SLC25A26: variants seen among roughly 807,000 people sequenced by gnomAD.
SLC25A26 encodes solute carrier family 25 member 26, also known as mitochondrial S-adenosylmethionine carrier protein.
Under a neutral mutation model 37.8 loss-of-function variants are expected in SLC25A26, and 36 were observed. The ratio of observed to expected loss-of-function variants is 0.95; its 90% CI spans 0.73 to 1.26. The LOEUF (loss-of-function observed/expected upper bound fraction) is 1.26, where lower values mean the gene tolerates loss of function less well. Among genes scored for constraint, SLC25A26 ranks in the 50% most tolerant of loss-of-function variants. The pLI, the probability that SLC25A26 is intolerant of heterozygous loss-of-function variation, is 0.00. For missense variants in SLC25A26, 390 were observed against 331.1 expected (o/e 1.18, Z -1.38); for synonymous variants, 129 against 122.5 (o/e 1.05, Z -0.35).
At chr3:66,195,350 T>C (rs2071027835) in intron 1 of SLC25A26, among the ~76,000 whole-genome samples, 1 of 152,234 alleles carries the variant, frequency 6.6e-6, no homozygotes, top group Non-Finnish European at 1.5e-5. Flanking sequence ...CAGGTGCAGC[T>C]GCTGCCAAAT....
At chr3:66,257,132 G>A (rs1034572748) in intron 3 of SLC25A26, among the ~76,000 whole-genome samples, 2 of 152,110 alleles carry the variant, frequency 1.3e-5, no homozygotes, top group South Asian at 2.1e-4. Context: ...AGTAAAAAAC[G>A]TCAGATAAGA....
At chr3:66,258,840 TTTTC>T (rs1169876885) in intron 3 of SLC25A26, among the ~76,000 whole-genome samples, 21 of 130,886 alleles carry the variant, frequency 1.6e-4, no homozygotes, top group South Asian at 5.5e-4. Flanking sequence ...TTCTCTTTCC[TTTTC>T]TTTTTTTTTT....
intron 1 of SLC25A26, among the ~76,000 whole-genome samples, chr3:66,208,395 T>C (rs2071208573): frequency 6.6e-6 from 1 of 151,892 alleles, no homozygotes; most frequent in Admixed American, 6.6e-5. Context: ...CCAATGTCAG[T>C]GAACTCGGGA....
rs996383722 is a variant in SLC25A26 at position 66,364,093 on chromosome 3, T to G, written c.568+1164T>G. On this transcript the variant is annotated intron_variant, in intron 7 of 9. Coordinates refer to ENST00000354883, the MANE Select transcript of SLC25A26 (RefSeq NM_001379210.1). Reference sequence around the variant, plus strand: ...ATTATGGAAATTAAGTCATCCTGGATAAGTAAGGCTACTTTTTAAAGTTAG... The same window carrying G: ...ATTATGGAAATTAAGTCATCCTGGAGAAGTAAGGCTACTTTTTAAAGTTAG... Among the ~76,000 whole-genome samples, 9 of 152,298 alleles carry G rather than the reference T, an allele frequency of 5.9e-5. 1 individual carries two copies. The highest frequency in any genetic ancestry group is 1.3e-4 in the Admixed American group (2 of 15,306).
At chr3:66,247,506 T>A (rs897584877) in intron 3 of SLC25A26, among the ~76,000 whole-genome samples, 2 of 152,182 alleles carry the variant, frequency 1.3e-5, no homozygotes, top group Non-Finnish European at 2.9e-5. Context: ...AGATGGGGTC[T>A]TACTATGTTG....
intron 1 of SLC25A26, among the ~76,000 whole-genome samples, chr3:66,158,013 C>T (rs975528871): frequency 2.6e-5 from 4 of 152,140 alleles, no homozygotes; most frequent in Non-Finnish European, 2.9e-5. Flanking sequence ...AGGGAGAATG[C>T]GTTGTGTTAT....
At chr3:66,163,644 C>G (rs528359931) in intron 1 of SLC25A26, among the ~76,000 whole-genome samples, 18 of 152,168 alleles carry the variant, frequency 1.2e-4, no homozygotes, top group Non-Finnish European at 2.6e-4. Context: ...GCCTGGCCAG[C>G]CTGAGACAGA....
intron 1 of SLC25A26, among the ~76,000 whole-genome samples, chr3:66,212,217 T>C (rs2071293141): frequency 2.0e-5 from 3 of 152,010 alleles, no homozygotes; most frequent in Admixed American, 6.6e-5. Context: ...GCTCAAGTGA[T>C]CCTCCCACCT....
intron 1 of SLC25A26, among the ~76,000 whole-genome samples, chr3:66,137,428 A>G (rs1403945769): frequency 6.6e-6 from 1 of 151,972 alleles, no homozygotes; most frequent in Non-Finnish European, 1.5e-5. Flanking sequence ...GGGTTTCACC[A>G]TGTTGGCCAA....
At chr3:66,336,742 G>A (rs2076100183) in intron 5 of SLC25A26, among the ~76,000 whole-genome samples, 1 of 152,134 alleles carries the variant, frequency 6.6e-6, no homozygotes, top group African/African-American at 2.4e-5. Context: ...CATCCTGATT[G>A]CCGAGTGACA....
chr3:66,267,383 G>C (rs2073794864), intron 5 of SLC25A26, among the ~76,000 whole-genome samples: 1 of 152,198 alleles, frequency 6.6e-6, no homozygotes, highest in Non-Finnish European at 1.5e-5. Flanking sequence ...AGCCAAGGGA[G>C]GGCCTTCAAG....
intron 1 of SLC25A26, among the ~76,000 whole-genome samples, chr3:66,221,838 A>G (rs1365650668): frequency 6.6e-6 from 1 of 150,636 alleles, no homozygotes; most frequent in African/African-American, 2.5e-5. Context: ...CTACGTTTTC[A>G]TTGTGTGGAA....
chr3:66,136,249 G>A (rs1359564744), intron 1 of SLC25A26, among the ~76,000 whole-genome samples: 1 of 152,146 alleles, frequency 6.6e-6, no homozygotes, highest in African/African-American at 2.4e-5. Context: ...TAACATTTCG[G>A]TGGTTCACTC....
intron 6 of SLC25A26, among the ~76,000 whole-genome samples, chr3:66,352,863 T>C (rs528167694): frequency 1.3e-5 from 2 of 152,238 alleles, no homozygotes; most frequent in East Asian, 3.9e-4. Context: ...ACGTTCCCGG[T>C]CTACCCCTCT....
At chr3:66,300,661 A>G (rs1180384650) in intron 5 of SLC25A26, among the ~76,000 whole-genome samples, 4 of 152,124 alleles carry the variant, frequency 2.6e-5, no homozygotes, top group Non-Finnish European at 4.4e-5. Flanking sequence ...TAGCATTTTG[A>G]GAGAGACTTT....
chr3:66,144,614 G>T (rs1393950061), intron 1 of SLC25A26, among the ~76,000 whole-genome samples: 11 of 152,138 alleles, frequency 7.2e-5, no homozygotes, highest in African/African-American at 2.4e-4. Context: ...TAATGCCAAA[G>T]ATTGTCTACT....
intron 3 of SLC25A26, among the ~76,000 whole-genome samples, chr3:66,252,985 C>T (rs2073143260): frequency 6.9e-6 from 1 of 145,386 alleles, no homozygotes; most frequent in Non-Finnish European, 1.5e-5. Flanking sequence ...GGTCAGGTTC[C>T]AAAATTTGCC....
chr3:66,360,542 C>T (rs550851229), intron 6 of SLC25A26, among the ~76,000 whole-genome samples: 1 of 152,252 alleles, frequency 6.6e-6, no homozygotes, highest in South Asian at 2.1e-4. Context: ...TTTAGCAAGG[C>T]TGCAGAATAC....
At chr3:66,271,582 G>C (rs1001899156) in intron 5 of SLC25A26, among the ~76,000 whole-genome samples, 3 of 152,106 alleles carry the variant, frequency 2.0e-5, no homozygotes, top group African/African-American at 7.2e-5. Flanking sequence ...AGTTGCGTGG[G>C]GATTGGGAAG....
Sources: gnomAD v4.1 joint callset for allele counts (sites outside exome capture counted in the v4.1 genomes callset) on GRCh38, gnomAD v4.1.1 for gene constraint, MANE v1.5 for transcripts, NCBI Gene and HGNC (gene_info 2026-07-23, HGNC 2026-07-21) for gene names.